Variants in EDC3 observed in about 807,000 individuals in gnomAD.
EDC3 encodes the protein enhancer of mRNA decapping 3, also known as enhancer of mRNA-decapping protein 3.
EDC3 carries 20 observed loss-of-function variants against 41.8 expected under a neutral mutation model. The observed-to-expected ratio is 0.48, with a 90% CI of 0.34 to 0.70. EDC3 has a LOEUF of 0.70. EDC3 is among the 30% of genes least tolerant of loss of function. EDC3 has a pLI of 0.01. For missense variants in EDC3, 444 were observed against 636.8 expected (o/e 0.70, Z 3.26); for synonymous variants, 206 against 243.2 (o/e 0.85, Z 1.42).
In EDC3 at chr15:74,632,607, A is replaced by G; in HGVS notation, c.*5T>C. 1 of 1,610,124 alleles carries G rather than the reference A, an allele frequency of 6.2e-7. No individual in the cohort carries two copies. Among genetic ancestry groups the G allele is most frequent in the Admixed American group, 1.7e-5 (1 of 59,992 alleles). On this transcript the variant is annotated 3_prime_UTR_variant, in exon 7 of 7. Transcript: ENST00000315127. The surrounding 1 kb of genome is among the most constrained non-coding windows in gnomAD (Gnocchi z 4.0). ...ACAGCAGAGTCCTGCCTGCGCAGGAACCCTCTAAGCAGAGTGCAGTGGGAT... is the reference window on the plus strand; with the variant it reads ...ACAGCAGAGTCCTGCCTGCGCAGGAGCCCTCTAAGCAGAGTGCAGTGGGAT...
chr15:74,659,315 A>G (rs2062592934), intron 3 of EDC3, among the ~76,000 whole-genome samples: 1 of 151,788 alleles, frequency 6.6e-6, no homozygotes, highest in Non-Finnish European at 1.5e-5. Flanking sequence ...ACAAAAAATT[A>G]GCCAGGTGTG....
At chr15:74,649,427 GTTA>G (rs2062455518) in intron 4 of EDC3, among the ~76,000 whole-genome samples, 1 of 151,998 alleles carries the variant, frequency 6.6e-6, no homozygotes, top group South Asian at 2.1e-4. Flanking sequence ...CTACACTTCT[GTTA>G]TTAGTATATT....
At chr15:74,679,266 T>C (rs1478096598) in intron 1 of EDC3, among the ~76,000 whole-genome samples, 1 of 152,056 alleles carries the variant, frequency 6.6e-6, no homozygotes, top group Non-Finnish European at 1.5e-5. Flanking sequence ...AACTCTGACG[T>C]GAAAGCCTCC....
chr15:74,644,997 C>T (rs978961234), intron 4 of EDC3: 1 of 152,076 alleles, frequency 6.6e-6, no homozygotes, highest in East Asian at 1.9e-4. Flanking sequence ...CACAGCCCTA[C>T]CAAAATCCTA....
chr15:74,683,651 A>G (rs2062900727), intron 1 of EDC3, among the ~76,000 whole-genome samples: 1 of 152,170 alleles, frequency 6.6e-6, no homozygotes, highest in Non-Finnish European at 1.5e-5. Flanking sequence ...GAAACTGGGT[A>G]GGGCATAAGG....
At chr15:74,672,578 G>A (rs1048269956) in intron 2 of EDC3, among the ~76,000 whole-genome samples, 1 of 152,170 alleles carries the variant, frequency 6.6e-6, no homozygotes, top group African/African-American at 2.4e-5. Context: ...CATTTTGGGA[G>A]GCCGAGGCAG....
At chr15:74,685,821 C>A (rs1221336224) in intron 1 of EDC3, among the ~76,000 whole-genome samples, 1 of 152,018 alleles carries the variant, frequency 6.6e-6, no homozygotes, top group Non-Finnish European at 1.5e-5. Flanking sequence ...AAAAAGAAAC[C>A]AGCACTTGAA....
intron 1 of EDC3, among the ~76,000 whole-genome samples, chr15:74,689,766 C>T (rs573633434): frequency 7.2e-5 from 11 of 152,288 alleles, no homozygotes; most frequent in African/African-American, 2.4e-4. Flanking sequence ...CCTCATGATC[C>T]GCCCGCCTCG....
intron 4 of EDC3, chr15:74,640,821 T>C (rs1369377705): frequency 9.7e-6 from 6 of 620,688 alleles, no homozygotes; most frequent in Non-Finnish European, 1.6e-5. Flanking sequence ...TAACAACTTG[T>C]TCCAGGTCAC....
intron 1 of EDC3, among the ~76,000 whole-genome samples, chr15:74,680,782 T>G (rs1358198908): frequency 6.6e-6 from 1 of 152,194 alleles, no homozygotes; most frequent in African/African-American, 2.4e-5. Context: ...TCAGCAAGAT[T>G]GTGGGATACA....
chr15:74,680,844 T>C (rs1005058262), intron 1 of EDC3, among the ~76,000 whole-genome samples: 1 of 151,978 alleles, frequency 6.6e-6, no homozygotes, highest in East Asian at 1.9e-4. Flanking sequence ...AATGAACACA[T>C]GGGCAATGAA....
intron 4 of EDC3, among the ~76,000 whole-genome samples, chr15:74,652,881 A>T (rs1412674529): frequency 6.6e-6 from 1 of 151,818 alleles, no homozygotes; most frequent in Admixed American, 6.6e-5. Flanking sequence ...CACCTGGCCA[A>T]TGGAAAACCC....
intron 4 of EDC3, 67 bp from the exon 5 acceptor site, chr15:74,640,686 C>T: frequency 3.1e-6 from 5 of 1,596,288 alleles, no homozygotes; most frequent in Middle Eastern, 1.7e-4. Context: ...CGGGTATACT[C>T]TATCCAAGAT....
At chr15:74,674,937 AG>A (rs778970482) in intron 2 of EDC3, 23 bp downstream of exon 2, 2 of 1,613,408 alleles carry the variant, frequency 1.2e-6, no homozygotes, top group Non-Finnish European at 1.7e-6. Flanking sequence ...GGTTGGATTC[AG>A]AAGAGTCAGT....
intron 1 of EDC3, among the ~76,000 whole-genome samples, chr15:74,691,919 C>G (rs1216237633): frequency 6.6e-6 from 1 of 152,004 alleles, no homozygotes; most frequent in Non-Finnish European, 1.5e-5. Flanking sequence ...CGGGTTCAAG[C>G]GATTCTCCTG....
chr15:74,690,059 T>TA (rs2062988417), intron 1 of EDC3, among the ~76,000 whole-genome samples: 3 of 152,208 alleles, frequency 2.0e-5, no homozygotes, highest in South Asian at 2.1e-4. Flanking sequence ...ATTCCACTTC[T>TA]AAAAAAAACT....
chr15:74,665,440 G>A (rs1225371487), intron 3 of EDC3, among the ~76,000 whole-genome samples: 3 of 152,198 alleles, frequency 2.0e-5, no homozygotes, highest in African/African-American at 7.2e-5. Flanking sequence ...ATTTCAGAGA[G>A]GGATGCCTTT....
chr15:74,675,134 G>A lies in EDC3; in HGVS notation c.-10C>T, dbSNP rs959117472. 16 of 1,612,216 alleles carry A rather than the reference G, an allele frequency of 9.9e-6. No individual in the cohort carries two copies. The highest frequency in any genetic ancestry group is 1.6e-4 in the Middle Eastern group (1 of 6,062). Reference sequence around the variant, plus strand: ...GCCAATCTGTAGCCATGTTTCACACGTGAGACCACTGTGAAGAGAAGGAAC... The same window carrying A: ...GCCAATCTGTAGCCATGTTTCACACATGAGACCACTGTGAAGAGAAGGAAC... On this transcript the variant is annotated 5_prime_UTR_variant, in exon 2 of 7. It adds an upstream start codon to the 5' untranslated region. Transcript: ENST00000315127.
Position 74,663,785 on chromosome 15 carries a change from G to A in EDC3, c.484+7670C>T, listed in dbSNP as rs534465670. The stretch of plus-strand genomic sequence containing the variant: ...AGCTATTGAAATGCAAAGTAGAAAA[G>A]TAAAGAAAACAAACATGACTAGCTG... On this transcript the variant is annotated intron_variant, in intron 3 of 6. Coordinates refer to ENST00000315127, the MANE Select transcript of EDC3 (RefSeq NM_025083.5). Among the ~76,000 whole-genome samples, 6 of 151,092 alleles carry A rather than the reference G, an allele frequency of 4.0e-5. No homozygotes were observed. In the South Asian group the frequency reaches 1.3e-3, roughly 32 times the overall value.
Sources: allele counts gnomAD v4.1 joint callset (sites outside exome capture counted in the v4.1 genomes callset), GRCh38; gene constraint gnomAD v4.1.1; non-coding constraint Gnocchi (gnomAD v3.1); transcripts MANE v1.5; gene names NCBI Gene and HGNC (gene_info 2026-07-23, HGNC 2026-07-21).